The following PCDHA12 variants were observed in gnomAD, a reference collection of about 807,000 sequenced individuals.
The protein encoded by PCDHA12 is protocadherin alpha 12.
Under a neutral mutation model 60.0 loss-of-function variants are expected in PCDHA12, and 44 were observed. The ratio of observed to expected loss-of-function variants is 0.73; its 90% CI spans 0.58 to 0.94. The LOEUF is 0.94. PCDHA12 is among the 40% of genes least tolerant of loss of function. The probability of loss-of-function intolerance (pLI) is 0.00; values close to 1 mark genes in which losing one functional copy is unlikely to be tolerated. For synonymous variants in PCDHA12, 569 were observed against 553.0 expected (o/e 1.03, Z -0.40); for missense variants, 1,276 against 1,239.7 (o/e 1.03, Z -0.44).
At chr5:140,961,001 C>A (rs2095583358) in intron 1 of PCDHA12, among the ~76,000 whole-genome samples, 1 of 152,144 alleles carries the variant, frequency 6.6e-6, no homozygotes, top group Non-Finnish European at 1.5e-5. Context: ...CAATTTGCTG[C>A]TGGACTGCAT....
At chr5:140,920,565 G>A (rs1225212458) in intron 1 of PCDHA12, among the ~76,000 whole-genome samples, 27 of 152,152 alleles carry the variant, frequency 1.8e-4, no homozygotes, top group Admixed American at 1.6e-3. Context: ...TGGCCCTTAG[G>A]CCAGGAGCAG....
intron 1 of PCDHA12, chr5:140,882,266 A>G (rs1471101520): frequency 6.2e-7 from 1 of 1,610,426 alleles, no homozygotes; most frequent in South Asian, 1.1e-5. Flanking sequence ...TTTGGAGTGT[A>G]CCATGCTGTC....
intron 1 of PCDHA12, among the ~76,000 whole-genome samples, chr5:140,948,089 G>A (rs1348120900): frequency 6.6e-6 from 1 of 151,454 alleles, no homozygotes; most frequent in African/African-American, 2.4e-5. Flanking sequence ...CTATTGATAT[G>A]AGCATATGAT....
intron 1 of PCDHA12, among the ~76,000 whole-genome samples, chr5:140,913,572 TCAAA>T (rs150264547): frequency 6.6e-6 from 1 of 152,264 alleles, no homozygotes; most frequent in East Asian, 1.9e-4. Context: ...TTTCATCATT[TCAAA>T]TATATTTCTG....
Position 140,978,953 on chromosome 5 carries a change from G to T in PCDHA12, c.2372G>T (p.Arg791Leu), listed in dbSNP as rs781913955. The T allele has an allele frequency of 6.2e-7, 1 of 1,614,048 alleles. No individual in the cohort carries two copies. Among genetic ancestry groups the T allele is most frequent in the Admixed American group, 1.7e-5 (1 of 59,996 alleles). The change falls in exon 2 of 4, where the codon CGA becomes CTA. Residue 791 changes from arginine to leucine, a missense_variant. Physicochemically the swap from Arg to Leu is moderately radical, Grantham distance 102 (BLOSUM62 -2). Coordinates refer to ENST00000398631, the MANE Select transcript of PCDHA12 (RefSeq NM_018903.4). ...ACTCTCTTTGTGATTTTGCAGCCAC[G>T]ACAGCCCAACCCTGACTGGCGTTAC... ...EDCLNPPSEP[R>L]QPNPDWRYSA... is the part of the protein sequence containing the mutation.
chr5:140,968,782 C>G, intron 1 of PCDHA12: 1 of 1,614,192 alleles, frequency 6.2e-7, no homozygotes, highest in South Asian at 1.1e-5. Flanking sequence ...CACTATCAGC[C>G]TCTGTGGCCA....
intron 1 of PCDHA12, chr5:140,969,402 T>C: frequency 6.3e-7 from 1 of 1,579,638 alleles, no homozygotes; most frequent in Non-Finnish European, 8.6e-7. Flanking sequence ...TCCTGTGATT[T>C]GGCTTTATTG....
At chr5:140,888,695 A>G (rs1161003821) in intron 1 of PCDHA12, among the ~76,000 whole-genome samples, 3 of 152,094 alleles carry the variant, frequency 2.0e-5, no homozygotes, top group African/African-American at 7.2e-5. Flanking sequence ...CTCTTCTCTG[A>G]TTGGTAGGAA....
chr5:140,965,794 C>T (rs1554227851), intron 1 of PCDHA12, among the ~76,000 whole-genome samples: 1 of 152,170 alleles, frequency 6.6e-6, no homozygotes, highest in Non-Finnish European at 1.5e-5. Flanking sequence ...TTCATGGAGA[C>T]TATTTTTTTA....
chr5:140,908,268 A>G (rs1401852970), intron 1 of PCDHA12, among the ~76,000 whole-genome samples: 4 of 152,284 alleles, frequency 2.6e-5, no homozygotes, highest in African/African-American at 9.6e-5. Context: ...GGAACTCCCC[A>G]TGAGGCCATT....
chr5:140,924,229 T>A (rs543275737), intron 1 of PCDHA12, among the ~76,000 whole-genome samples: 4 of 152,376 alleles, frequency 2.6e-5, no homozygotes, highest in African/African-American at 9.6e-5. Flanking sequence ...TCAATTTTTA[T>A]GGGCTGTTTT....
In PCDHA12 at chr5:140,876,671, C is replaced by T. The variant is rs782473628; in HGVS notation, c.1199C>T (p.Thr400Ile). Residue 400 changes from threonine (T) to isoleucine (I), a missense_variant, in exon 1 of 4, where the codon ACC (threonine) becomes ATC (isoleucine). Thr to Ile is a moderately conservative substitution (Grantham distance 89). Transcript: ENST00000398631. ...TPHVPFKLVSTYKNYYSLVLD... is the reference protein window; with the variant it reads ...TPHVPFKLVSIYKNYYSLVLD... The stretch of plus-strand genomic sequence containing the variant: ...CATGTTCCCTTCAAGCTGGTGTCCA[C>T]CTACAAGAATTACTACTCGTTGGTG... 3.1e-6 allele frequency: 5 copies of T among 1,614,212 alleles called. No homozygotes were observed. The highest frequency in any genetic ancestry group is 2.5e-6 in the Non-Finnish European group (3 of 1,180,032).
intron 1 of PCDHA12, among the ~76,000 whole-genome samples, chr5:140,916,163 C>T (rs546851152): frequency 4.6e-5 from 7 of 152,184 alleles, no homozygotes; most frequent in Admixed American, 1.3e-4. Context: ...TGAATGCTGC[C>T]AGGCCTGGGA....
rs2098415868 is a variant in PCDHA12 at position 141,010,044 on chromosome 5, G to A, written c.*107G>A. On this transcript the variant is annotated 3_prime_UTR_variant, in exon 4 of 4. Coordinates refer to ENST00000398631, the MANE Select transcript of PCDHA12 (RefSeq NM_018903.4). ...TTTCCTATCTACATGAGCCCTCTTA[G>A]AGACCTCAGAAATCTGCAGAAAGTT... 6.3e-7 allele frequency: 1 copy of A among 1,594,604 alleles called. No individual in the cohort carries two copies. The highest frequency in any genetic ancestry group is 8.5e-7 in the Non-Finnish European group (1 of 1,171,226).
At chr5:140,913,212 T>G (rs113766408) in intron 1 of PCDHA12, among the ~76,000 whole-genome samples, 11,533 of 152,278 alleles carry the variant, frequency 0.076, 607 homozygotes, top group Non-Finnish European at 0.12. Flanking sequence ...AGCCAATGGG[T>G]CCCAGGCTTT....
chr5:140,977,720 A>C (rs1156806702), intron 1 of PCDHA12, among the ~76,000 whole-genome samples: 1 of 152,202 alleles, frequency 6.6e-6, no homozygotes, highest in African/African-American at 2.4e-5. Flanking sequence ...GATGGTGATC[A>C]TTTCTCTCCT....
At chr5:141,004,810 A>G (rs2098182429) in intron 3 of PCDHA12, among the ~76,000 whole-genome samples, 1 of 152,224 alleles carries the variant, frequency 6.6e-6, no homozygotes, top group Non-Finnish European at 1.5e-5. Flanking sequence ...GCTCAATTGC[A>G]GATTTGATTA....
At chr5:140,888,624 C>T (rs2061910720) in intron 1 of PCDHA12, among the ~76,000 whole-genome samples, 1 of 152,198 alleles carries the variant, frequency 6.6e-6, no homozygotes, top group Non-Finnish European at 1.5e-5. Flanking sequence ...CTAATTCGGC[C>T]TTCTATTACA....
At chr5:140,969,457 T>C (rs1554231852) in intron 1 of PCDHA12, 1 of 1,505,602 alleles carries the variant, frequency 6.6e-7, no homozygotes, top group Admixed American at 2.2e-5. Context: ...TGAGTATATA[T>C]AGTATCCACA....
Sources: gnomAD v4.1 joint callset for allele counts (sites outside exome capture counted in the v4.1 genomes callset) on GRCh38, gnomAD v4.1.1 for gene constraint, MANE v1.5 for transcripts, NCBI Gene and HGNC (gene_info 2026-07-23, HGNC 2026-07-21) for gene names.